ZNF106: variants seen among roughly 807,000 people sequenced by gnomAD.
The protein encoded by ZNF106 is zinc finger protein 106.
Under a neutral mutation model 195.1 loss-of-function variants are expected in ZNF106, and 67 were observed. The observed-to-expected ratio is 0.34, with a 90% confidence interval of 0.28 to 0.42. ZNF106 has a LOEUF of 0.42. Ranked by LOEUF, ZNF106 falls within the 10% of genes least tolerant of loss-of-function variation. ZNF106 has a pLI of 1.00. For missense variants in ZNF106, 2,118 were observed against 2,304.5 expected (o/e 0.92, Z 1.66); for synonymous variants, 784 against 818.6 (o/e 0.96, Z 0.72).
Position 42,450,733 on chromosome 15 carries a change from C to T in ZNF106, c.1539G>A (p.Ser513=), listed in dbSNP as rs766111683. 4.3e-6 allele frequency: 7 copies of T among 1,614,048 alleles called. No individual in the cohort carries two copies. The highest frequency in any genetic ancestry group is 2.2e-5 in the South Asian group (2 of 91,064). The part of the protein sequence containing the change: ...FFSPGEHSNP[S]NKPTVEDNHG... The stretch of plus-strand genomic sequence containing the variant: ...GGTTATCTTCCACAGTGGGCTTGTT[C>T]GAGGGATTTGAGTGTTCTCCAGGGG... Residue 513 remains serine, a synonymous_variant, in exon 5 of 22, where the codon TCG becomes TCA. Coordinates refer to ENST00000564754, the MANE Select transcript of ZNF106 (RefSeq NM_001366845.3).
chr15:42,419,228 C>G (rs572563948), intron 20 of ZNF106, among the ~76,000 whole-genome samples: 1 of 151,920 alleles, frequency 6.6e-6, no homozygotes, highest in African/African-American at 2.4e-5. Context: ...ATCAGCCAGG[C>G]GTGTGGCATG....
chr15:42,462,787 C>T (rs1456333460), intron 3 of ZNF106, among the ~76,000 whole-genome samples: 2 of 151,954 alleles, frequency 1.3e-5, no homozygotes, highest in African/African-American at 2.4e-5. Flanking sequence ...TCTTATGTGA[C>T]CAAACTTGGT....
intron 14 of ZNF106, 108 bp from the exon 15 acceptor site, chr15:42,428,242 G>C (rs972060777): frequency 5.0e-6 from 4 of 799,828 alleles, no homozygotes; most frequent in Non-Finnish European, 8.0e-6. Context: ...GCGGAAGAAA[G>C]TGTGACATCC....
intron 1 of ZNF106, among the ~76,000 whole-genome samples, chr15:42,482,527 T>TTC (rs1567034570): frequency 1.5e-5 from 2 of 136,066 alleles, no homozygotes; most frequent in African/African-American, 5.7e-5. Context: ...CTCCAGTTTT[T>TTC]TTTTTTTTTT....
At chr15:42,452,496 C>G (rs1473517901) in intron 4 of ZNF106, among the ~76,000 whole-genome samples, 1 of 151,950 alleles carries the variant, frequency 6.6e-6, no homozygotes, top group Non-Finnish European at 1.5e-5. Flanking sequence ...ACACTCCAGC[C>G]TGGGTAACAC....
At chr15:42,471,872 A>G (rs1039150049) in intron 2 of ZNF106, among the ~76,000 whole-genome samples, 14 of 152,242 alleles carry the variant, frequency 9.2e-5, no homozygotes, top group African/African-American at 3.1e-4. Flanking sequence ...CTATATCCTT[A>G]GCTAATCAAA....
intron 13 of ZNF106, 30 bp downstream of exon 13, chr15:42,437,202 A>G: frequency 1.9e-6 from 3 of 1,581,432 alleles, no homozygotes; most frequent in Non-Finnish European, 2.6e-6. Context: ...ACCTGCAACC[A>G]AAAACATTCT....
chr15:42,446,415 T>C (rs1460630213), intron 7 of ZNF106, among the ~76,000 whole-genome samples, 174 bp downstream of exon 7: 2 of 152,038 alleles, frequency 1.3e-5, no homozygotes, highest in Admixed American at 1.3e-4. Flanking sequence ...ACCCTGTCTC[T>C]ACAAAAAAAT....
At chr15:42,461,722 A>G (rs1448647295) in intron 3 of ZNF106, among the ~76,000 whole-genome samples, 1 of 152,240 alleles carries the variant, frequency 6.6e-6, no homozygotes, top group Admixed American at 6.5e-5. Context: ...CCAGATCACA[A>G]CCAAAAACTG....
intron 9 of ZNF106, among the ~76,000 whole-genome samples, chr15:42,442,848 A>G (rs1054791481): frequency 6.6e-6 from 1 of 151,778 alleles, no homozygotes; most frequent in Non-Finnish European, 1.5e-5. Context: ...CAGTGGCGCA[A>G]TCTCGGCTCA....
intron 3 of ZNF106, among the ~76,000 whole-genome samples, chr15:42,465,215 T>A (rs932872335): frequency 2.7e-5 from 4 of 150,544 alleles, no homozygotes; most frequent in Admixed American, 2.6e-4. Flanking sequence ...TTTCATTTTT[T>A]AAAGGTGTCC....
intron 1 of ZNF106, among the ~76,000 whole-genome samples, chr15:42,485,766 A>G (rs1471984194): frequency 6.6e-6 from 1 of 152,212 alleles, no homozygotes; most frequent in Admixed American, 6.5e-5. Context: ...ACGTATGCAC[A>G]ACAATAAACA....
chr15:42,449,199 G>C (rs1413707532), intron 5 of ZNF106, among the ~76,000 whole-genome samples: 1 of 152,154 alleles, frequency 6.6e-6, no homozygotes, highest in Non-Finnish European at 1.5e-5. Flanking sequence ...TGACTTTCAA[G>C]TAGCAAACTT....
In ZNF106 at chr15:42,450,302, G is replaced by A; in HGVS notation, c.1970C>T (p.Thr657Ile). Residue 657 changes from threonine to isoleucine, a missense_variant, in exon 5 of 22, where the codon ACT (threonine) becomes ATT (isoleucine). By Grantham distance (89) the Thr-to-Ile change is moderately conservative. Coordinates refer to ENST00000564754, the MANE Select transcript of ZNF106 (RefSeq NM_001366845.3). ...EKEEDDRILK[T>I]SRELSTSPCN... Reference sequence around the variant, plus strand: ...TGGGGAAGTGGATAGCTCTCTAGAAGTCTTCAGGATGCGGTCATCCTCCTC... The same window carrying A: ...TGGGGAAGTGGATAGCTCTCTAGAAATCTTCAGGATGCGGTCATCCTCCTC... 6.2e-7 allele frequency: 1 copy of A among 1,614,194 alleles called. No individual in the cohort carries two copies. The highest frequency in any genetic ancestry group is 2.2e-5 in the East Asian group (1 of 44,886).
chr15:42,489,076 TAA>T (rs772748401), intron 1 of ZNF106, among the ~76,000 whole-genome samples: 7 of 108,886 alleles, frequency 6.4e-5, no homozygotes, highest in Admixed American at 9.5e-5. Context: ...AGGCTCTCTC[TAA>T]AAAAAAAAAA....
chr15:42,445,735 C>A (rs2055747336), intron 7 of ZNF106, among the ~76,000 whole-genome samples: 2 of 152,158 alleles, frequency 1.3e-5, no homozygotes, highest in South Asian at 4.1e-4. Flanking sequence ...GTTGGCCCAG[C>A]CAGAAATGTG....
chr15:42,457,263 A>C lies in ZNF106; in HGVS notation c.117-105T>G. On this transcript the variant is annotated intron_variant, in intron 3 of 21. Transcript: ENST00000564754. ...TGAAGGACACTGCACACTTTGGCAC[A>C]GTGAAAAATTAGTGCTAATTAATTT... is the stretch of plus-strand genomic sequence containing the variant. 2.6e-6 allele frequency: 4 copies of C among 1,557,662 alleles called. No individual in the cohort carries two copies. The South Asian group carries it at 4.8e-5, about 19-fold the overall frequency.
At chr15:42,486,261 CTT>C (rs906411276) in intron 1 of ZNF106, among the ~76,000 whole-genome samples, 3 of 148,194 alleles carry the variant, frequency 2.0e-5, no homozygotes, top group Non-Finnish European at 3.0e-5. Context: ...CCCAGCCCTT[CTT>C]TTTTTTTTCT....
chr15:42,455,749 G>A (rs2056204901), intron 4 of ZNF106, among the ~76,000 whole-genome samples: 1 of 152,104 alleles, frequency 6.6e-6, no homozygotes, highest in Non-Finnish European at 1.5e-5. Flanking sequence ...GACTAAAAAG[G>A]AGGTACAGAC....
Sources: allele counts gnomAD v4.1 joint callset (sites outside exome capture counted in the v4.1 genomes callset), GRCh38; gene constraint gnomAD v4.1.1; transcripts MANE v1.5; gene names NCBI Gene and HGNC (gene_info 2026-07-23, HGNC 2026-07-21).